The following OCIAD1 variants were observed in gnomAD, a reference collection of about 807,000 sequenced individuals.
The protein encoded by OCIAD1 is OCIA domain-containing protein 1.
Under a neutral mutation model 38.9 loss-of-function variants are expected in OCIAD1, and 29 were observed. The ratio of observed to expected loss-of-function variants is 0.74; its 90% CI spans 0.55 to 1.02. The LOEUF (loss-of-function observed/expected upper bound fraction) is 1.02. OCIAD1 is among the 50% of genes least tolerant of loss of function. OCIAD1 has a pLI of 0.00. For missense variants in OCIAD1, 288 were observed against 289.6 expected (o/e 0.99, Z 0.04); for synonymous variants, 110 against 92.0 (o/e 1.20, Z -1.12).
chr4:48,829,538 A>G (rs1777321782), upstream of OCIAD1, among the ~76,000 whole-genome samples: 1 of 152,192 alleles, frequency 6.6e-6, no homozygotes, highest in Admixed American at 6.5e-5. Flanking sequence ...TTTAGACCAT[A>G]ACAAATACTA....
intron 1 of OCIAD1, among the ~76,000 whole-genome samples, chr4:48,811,369 C>T (rs1317706239): frequency 6.6e-6 from 1 of 152,214 alleles, no homozygotes; most frequent in African/African-American, 2.4e-5. Flanking sequence ...CCAATAAAAG[C>T]CAAAGTCTTT....
intron 4 of OCIAD1, among the ~76,000 whole-genome samples, chr4:48,847,528 T>G (rs1779073328): frequency 6.6e-6 from 1 of 152,198 alleles, no homozygotes; most frequent in Admixed American, 6.5e-5. Flanking sequence ...TCTGTAAAAT[T>G]TTTTAAAAAA....
At chr4:48,842,416 A>G (rs971705334) in intron 3 of OCIAD1, among the ~76,000 whole-genome samples, 1 of 152,192 alleles carries the variant, frequency 6.6e-6, no homozygotes. Flanking sequence ...CATGAATTAT[A>G]TTGTTTAATA....
intron 5 of OCIAD1, among the ~76,000 whole-genome samples, chr4:48,849,181 A>T (rs1779215245): frequency 6.6e-6 from 1 of 152,190 alleles, no homozygotes; most frequent in Non-Finnish European, 1.5e-5. Context: ...GAATTAGGAG[A>T]TATACCTAAT....
At chr4:48,853,274 G>T (rs535884344) in intron 7 of OCIAD1, among the ~76,000 whole-genome samples, 2 of 152,166 alleles carry the variant, frequency 1.3e-5, no homozygotes, top group South Asian at 4.1e-4. Context: ...TTATATAAAC[G>T]TAGACTTTAT....
At chr4:48,833,778 A>AT (rs1422612712) in intron 3 of OCIAD1, among the ~76,000 whole-genome samples, 1 of 152,212 alleles carries the variant, frequency 6.6e-6, no homozygotes, top group Non-Finnish European at 1.5e-5. Flanking sequence ...GATAACTATT[A>AT]TTACCCTCAC....
chr4:48,844,259 C>T (rs1474094244), intron 4 of OCIAD1, among the ~76,000 whole-genome samples: 1 of 151,910 alleles, frequency 6.6e-6, no homozygotes, highest in Non-Finnish European at 1.5e-5. Context: ...GAAGTAGAGC[C>T]AGGAGAAATT....
chr4:48,816,672 C>T (rs138166291), intron 1 of OCIAD1, among the ~76,000 whole-genome samples: 246 of 152,144 alleles, frequency 1.6e-3, no homozygotes, highest in African/African-American at 5.2e-3. Flanking sequence ...TATTATTAGG[C>T]TTAAATTTGA....
intron 5 of OCIAD1, among the ~76,000 whole-genome samples, 199 bp from the exon 6 acceptor site, chr4:48,849,746 CTG>C (rs934775179): frequency 6.6e-6 from 1 of 152,052 alleles, no homozygotes; most frequent in Non-Finnish European, 1.5e-5. Context: ...TTTTTGGAAA[CTG>C]AATTATATCC....
chr4:48,855,624 C>T (rs1403448974), intron 7 of OCIAD1, among the ~76,000 whole-genome samples: 1 of 152,110 alleles, frequency 6.6e-6, no homozygotes, highest in Non-Finnish European at 1.5e-5. Flanking sequence ...CAAGACCAGC[C>T]TGACCAATAT....
In OCIAD1 at chr4:48,860,849, C is replaced by A; in HGVS notation, c.*87C>A. On this transcript the variant is annotated 3_prime_UTR_variant, in exon 9 of 9. Coordinates refer to ENST00000264312, the MANE Select transcript of OCIAD1 (RefSeq NM_017830.4). ...TACCTGCATGCTTTGAGCTCAGCAG[C>A]AGTCTTCATAAACACATTTAAAACA... 1.1e-6 allele frequency: 1 copy of A among 939,754 alleles called. No homozygotes were observed. Among genetic ancestry groups the A allele is most frequent in the Non-Finnish European group, 1.7e-6 (1 of 582,432 alleles). The allele number at this position is 939,754 out of a possible 1,614,324, so 58.2% of individuals were successfully genotyped here. A position where few individuals can be genotyped will look rare whatever the true frequency, so the allele number is the denominator to read the frequency against.
Position 48,850,001 on chromosome 4 carries a change from A to G in OCIAD1, c.296A>G (p.Gln99Arg). The G allele has an allele frequency of 6.2e-7, 1 of 1,613,476 alleles. No individual in the cohort carries two copies. The highest frequency in any genetic ancestry group is 8.5e-7 in the Non-Finnish European group (1 of 1,179,794). The change falls in exon 6 of 9, where the codon CAA becomes CGA. Residue 99 changes from glutamine (Q) to arginine (R), a missense_variant. Gln to Arg is a conservative substitution (Grantham distance 43). Transcript: ENST00000264312. ...AGKLSYVKTCQEKFKKLENSP... is the reference protein window; with the variant it reads ...AGKLSYVKTCREKFKKLENSP... Reference sequence around the variant, plus strand: ...AAACTTTCTTATGTGAAAACTTGCCAAGAGAAATTCAAGAAACTTGAAAAT... The same window carrying G: ...AAACTTTCTTATGTGAAAACTTGCCGAGAGAAATTCAAGAAACTTGAAAAT...
Position 48,834,030 on chromosome 4 carries a change from A to T in OCIAD1, c.139+549A>T, listed in dbSNP as rs376523027. On this transcript the variant is annotated intron_variant, in intron 3 of 8. Coordinates refer to ENST00000264312, the MANE Select transcript of OCIAD1 (RefSeq NM_017830.4). Reference sequence around the variant, plus strand: ...TATATATATTTGTGTATATATATATATCAAGATTGTATTTTTTAAATACAG... The same window carrying T: ...TATATATATTTGTGTATATATATATTTCAAGATTGTATTTTTTAAATACAG... Among the ~76,000 whole-genome samples the T allele has an allele frequency of 3.1e-4, 47 of 152,284 alleles. No individual in the cohort carries two copies. In the East Asian group the frequency reaches 8.3e-3, roughly 27 times the overall value.
chr4:48,842,474 T>G (rs1778623175), intron 3 of OCIAD1, among the ~76,000 whole-genome samples, 162 bp from the exon 4 acceptor site: 1 of 152,208 alleles, frequency 6.6e-6, no homozygotes, highest in African/African-American at 2.4e-5. Context: ...ATTTTTCCAC[T>G]ATGTATACAG....
At chr4:48,833,831 A>G (rs776809317) in intron 3 of OCIAD1, among the ~76,000 whole-genome samples, 1 of 152,168 alleles carries the variant, frequency 6.6e-6, no homozygotes, top group Non-Finnish European at 1.5e-5. Flanking sequence ...TTAAATGGCA[A>G]CACTTAGTGT....
chr4:48,818,940 T>C (rs542651903), intron 1 of OCIAD1, among the ~76,000 whole-genome samples: 1 of 152,132 alleles, frequency 6.6e-6, no homozygotes, highest in Non-Finnish European at 1.5e-5. Context: ...AGACCAAACC[T>C]ACAATTGATT....
intron 1 of OCIAD1, among the ~76,000 whole-genome samples, chr4:48,811,866 T>G (rs1159560825): frequency 6.6e-6 from 1 of 152,182 alleles, no homozygotes; most frequent in Non-Finnish European, 1.5e-5. Flanking sequence ...GTTTCATTTT[T>G]TTTTTCTGTT....
intron 3 of OCIAD1, among the ~76,000 whole-genome samples, chr4:48,838,959 AAC>A (rs1778273720): frequency 6.6e-6 from 1 of 152,186 alleles, no homozygotes; most frequent in Non-Finnish European, 1.5e-5. Context: ...TCTGTGCCCA[AAC>A]ACACAGGTAG....
At chr4:48,857,659 A>G (rs947628641) in intron 8 of OCIAD1, among the ~76,000 whole-genome samples, 7 of 151,942 alleles carry the variant, frequency 4.6e-5, no homozygotes, top group African/African-American at 1.7e-4. Flanking sequence ...AGCTAGGACT[A>G]CAGGCCCCCA....
Sources: gnomAD v4.1 joint callset for allele counts (sites outside exome capture counted in the v4.1 genomes callset) on GRCh38, gnomAD v4.1.1 for gene constraint, MANE v1.5 for transcripts, NCBI Gene and HGNC (gene_info 2026-07-23, HGNC 2026-07-21) for gene names.